SPOCK3: variants seen among roughly 807,000 people sequenced by gnomAD.
The protein encoded by SPOCK3 is testican-3.
Under a neutral mutation model 56.6 loss-of-function variants are expected in SPOCK3, and 30 were observed. The ratio of observed to expected loss-of-function variants is 0.53; its 90% CI spans 0.40 to 0.72. The LOEUF is 0.72. SPOCK3 is among the 30% of genes least tolerant of loss of function. The pLI is 0.00. For missense variants in SPOCK3, 527 were observed against 530.0 expected, an observed-to-expected ratio of 0.99 and a Z score of 0.06; for synonymous variants, 196 against 183.3, an observed-to-expected ratio of 1.07 and a Z score of -0.56.
intron 3 of SPOCK3, among the ~76,000 whole-genome samples, chr4:167,052,281 T>C (rs1754301807): frequency 6.6e-6 from 1 of 152,214 alleles, no homozygotes; most frequent in South Asian, 2.1e-4. Flanking sequence ...GTAATAAATC[T>C]GACATAGAAT....
At chr4:167,024,754 T>C (rs1751538513) in intron 3 of SPOCK3, among the ~76,000 whole-genome samples, 1 of 151,994 alleles carries the variant, frequency 6.6e-6, no homozygotes, top group African/African-American at 2.4e-5. Flanking sequence ...CAGTGTACAC[T>C]GCTCGGGTGG....
intron 2 of SPOCK3, among the ~76,000 whole-genome samples, chr4:167,224,369 T>C (rs1362698083): frequency 6.6e-6 from 1 of 152,098 alleles, no homozygotes; most frequent in African/African-American, 2.4e-5. Flanking sequence ...TTCAAAAATG[T>C]AGATAAAGAT....
chr4:166,803,180 G>C (rs989068401), intron 6 of SPOCK3, among the ~76,000 whole-genome samples: 1 of 152,106 alleles, frequency 6.6e-6, no homozygotes, highest in Non-Finnish European at 1.5e-5. Flanking sequence ...GAAAGTAAAA[G>C]CATGAGTCCT....
At chr4:166,819,377 A>G (rs1056505545) in intron 6 of SPOCK3, among the ~76,000 whole-genome samples, 4 of 152,074 alleles carry the variant, frequency 2.6e-5, no homozygotes, top group Admixed American at 6.6e-5. Flanking sequence ...AGTCAGAGAA[A>G]GGAGGCAAAG....
intron 4 of SPOCK3, among the ~76,000 whole-genome samples, chr4:166,943,695 A>G (rs1325087794): frequency 6.6e-6 from 1 of 152,212 alleles, no homozygotes; most frequent in African/African-American, 2.4e-5. Flanking sequence ...ACTTCAAAGT[A>G]TATTCTTATT....
intron 6 of SPOCK3, among the ~76,000 whole-genome samples, chr4:166,837,854 C>G (rs1345326541): frequency 6.6e-6 from 1 of 151,902 alleles, no homozygotes; most frequent in African/African-American, 2.4e-5. Flanking sequence ...TTTATGGAAG[C>G]TGTGGTTGCT....
At chr4:166,792,804 A>T (rs1309417721) in intron 6 of SPOCK3, among the ~76,000 whole-genome samples, 1 of 152,138 alleles carries the variant, frequency 6.6e-6, no homozygotes, top group Non-Finnish European at 1.5e-5. Flanking sequence ...AGCACAGAAA[A>T]GAAACAGCTA....
intron 3 of SPOCK3, among the ~76,000 whole-genome samples, chr4:167,020,050 A>T (rs1268449534): frequency 6.6e-6 from 1 of 152,094 alleles, no homozygotes; most frequent in Admixed American, 6.6e-5. Flanking sequence ...GTGAAACTTT[A>T]ATTGAAATGA....
intron 6 of SPOCK3, among the ~76,000 whole-genome samples, chr4:166,811,546 G>T (rs541136861): frequency 6.6e-6 from 1 of 151,714 alleles, no homozygotes; most frequent in East Asian, 2.0e-4. Context: ...TTTCTAGTTT[G>T]ATTGCATCAT....
Position 167,099,201 on chromosome 4 carries a change from G to A in SPOCK3, c.190-36664C>T, listed in dbSNP as rs115158856. On this transcript the variant is annotated intron_variant, in intron 2 of 10. Transcript: ENST00000357545. ...TATACAATTATATTTGTGAATCTCGGTTAATGTATTAAAAGCATAAAACTG... is the reference window on the plus strand; with the variant it reads ...TATACAATTATATTTGTGAATCTCGATTAATGTATTAAAAGCATAAAACTG... Among the ~76,000 whole-genome samples the A allele has an allele frequency of 8.9e-3, 1,347 of 151,656 alleles. 17 individuals carry two copies. The highest frequency in any genetic ancestry group is 0.031 in the African/African-American group (1,267 of 41,442).
At chr4:166,943,180 T>C (rs967920134) in intron 4 of SPOCK3, among the ~76,000 whole-genome samples, 1 of 152,184 alleles carries the variant, frequency 6.6e-6, no homozygotes, top group Non-Finnish European at 1.5e-5. Context: ...TGAGAATTTT[T>C]AAAAATGATA....
At chr4:166,872,295 A>G (rs1169513575) in intron 6 of SPOCK3, among the ~76,000 whole-genome samples, 1 of 152,098 alleles carries the variant, frequency 6.6e-6, no homozygotes, top group East Asian at 1.9e-4. Context: ...TTCACTAACA[A>G]CATTACTGGC....
intron 3 of SPOCK3, among the ~76,000 whole-genome samples, chr4:167,031,549 A>C (rs932784418): frequency 4.6e-5 from 7 of 152,062 alleles, no homozygotes; most frequent in Admixed American, 1.3e-4. Context: ...AACAGGGCAG[A>C]AAAGAGAAAA....
intron 4 of SPOCK3, among the ~76,000 whole-genome samples, chr4:166,998,690 T>C (rs1049109605): frequency 1.3e-5 from 2 of 152,098 alleles, no homozygotes; most frequent in African/African-American, 4.8e-5. Context: ...AGGGGTGAAG[T>C]GGCAGGTGAA....
intron 5 of SPOCK3, among the ~76,000 whole-genome samples, chr4:166,898,288 CCTCTGGG>C (rs1443825330): frequency 6.6e-6 from 1 of 152,116 alleles, no homozygotes; most frequent in Non-Finnish European, 1.5e-5. Flanking sequence ...TGCTCACTAA[CCTCTGGG>C]CAGGGGGAGG....
chr4:166,804,589 CA>C (rs1169856821), intron 6 of SPOCK3, among the ~76,000 whole-genome samples: 2 of 152,100 alleles, frequency 1.3e-5, no homozygotes, highest in Non-Finnish European at 2.9e-5. Context: ...TTCTCAAATA[CA>C]TGTTTTTAGA....
chr4:166,827,812 C>T (rs533414651), intron 6 of SPOCK3, among the ~76,000 whole-genome samples: 14 of 145,546 alleles, frequency 9.6e-5, no homozygotes, highest in Non-Finnish European at 2.1e-4. Flanking sequence ...GAATAATGGT[C>T]CTTATACATA....
At chr4:167,225,083 A>C (rs1736457542) in intron 2 of SPOCK3, among the ~76,000 whole-genome samples, 1 of 152,240 alleles carries the variant, frequency 6.6e-6, no homozygotes. Context: ...CAAGAGTGAT[A>C]ATATGGCTTA....
rs1736797239 is a variant in SPOCK3 at position 166,754,440 on chromosome 4, T to A, written c.931+68A>T. 1.9e-6 allele frequency: 3 copies of A among 1,546,404 alleles called. No individual in the cohort carries two copies. In the African/African-American group the frequency reaches 4.1e-5, roughly 21 times the overall value. ...ATGAGCATAGTGTACTGTTTTATTT[T>A]CTTAAAAAATAAGTAAAATTTGACA... is the stretch of plus-strand genomic sequence containing the variant. On this transcript the variant is annotated intron_variant, in intron 8 of 10. Transcript: ENST00000357545.
Sources: allele counts gnomAD v4.1 joint callset (sites outside exome capture counted in the v4.1 genomes callset), GRCh38; gene constraint gnomAD v4.1.1; transcripts MANE v1.5; gene names NCBI Gene and HGNC (gene_info 2026-07-23, HGNC 2026-07-21).